ATP2B4: variants seen among roughly 807,000 people sequenced by gnomAD.
The protein encoded by ATP2B4 is ATPase plasma membrane Ca2+ transporting 4.
In ATP2B4, 39 loss-of-function variants were observed where a neutral mutation model predicts 110.3. That is an observed-to-expected ratio of 0.35 (90% confidence interval 0.27 to 0.46). The LOEUF is 0.46. Among genes scored for constraint, ATP2B4 ranks in the 20% least tolerant of loss-of-function variants. The pLI is 1.00. For synonymous variants in ATP2B4, 538 were observed against 571.7 expected (o/e 0.94, Z 0.84); for missense variants, 1,135 against 1,530.9 (o/e 0.74, Z 4.32).
intron 1 of ATP2B4, among the ~76,000 whole-genome samples, chr1:203,661,747 C>A (rs1248350595): frequency 2.6e-5 from 4 of 152,094 alleles, no homozygotes; most frequent in African/African-American, 9.7e-5. Flanking sequence ...CCCTTGAGTT[C>A]TTTGATGTTG....
chr1:203,684,208 G>T (rs942044169), intron 2 of ATP2B4, among the ~76,000 whole-genome samples: 1 of 152,208 alleles, frequency 6.6e-6, no homozygotes, highest in Non-Finnish European at 1.5e-5. Flanking sequence ...CTTCTCTATT[G>T]TATACTGTTA....
At chr1:203,665,530 G>A (rs1037397613) in intron 1 of ATP2B4, among the ~76,000 whole-genome samples, 3 of 152,138 alleles carry the variant, frequency 2.0e-5, no homozygotes, top group Non-Finnish European at 4.4e-5. Context: ...GGCCGGGCTC[G>A]GTGGCTCACG....
At chr1:203,673,031 C>A (rs568196514) in intron 1 of ATP2B4, among the ~76,000 whole-genome samples, 1 of 152,130 alleles carries the variant, frequency 6.6e-6, no homozygotes, top group African/African-American at 2.4e-5. Context: ...GAAGGACTAG[C>A]AGAGGGAGAG....
At chr1:203,641,864 A>G (rs1333265148) in intron 1 of ATP2B4, among the ~76,000 whole-genome samples, 1 of 152,210 alleles carries the variant, frequency 6.6e-6, no homozygotes, top group Non-Finnish European at 1.5e-5. Context: ...CGCCTTGCTC[A>G]TTGATATATC....
chr1:203,721,130 C>A, intron 16 of ATP2B4, 67 bp from the exon 17 acceptor site: 1 of 1,543,534 alleles, frequency 6.5e-7, no homozygotes, highest in South Asian at 1.2e-5. Context: ...GGAGCTGGGC[C>A]ATCGACAGGG....
intron 1 of ATP2B4, among the ~76,000 whole-genome samples, chr1:203,668,406 GT>G (rs1170469644): frequency 6.6e-6 from 1 of 151,900 alleles, no homozygotes; most frequent in Non-Finnish European, 1.5e-5. Context: ...GTTTTGTTTT[GT>G]TTTTTTCATT....
At chr1:203,727,353 C>A (rs1455610764) in intron 19 of ATP2B4, 42 bp from the exon 20 acceptor site, 4 of 1,605,074 alleles carry the variant, frequency 2.5e-6, no homozygotes, top group Non-Finnish European at 3.4e-6. Flanking sequence ...GCTCTTCTCA[C>A]GCTGATTCTG....
Position 203,714,177 on chromosome 1 carries a change from T to C in ATP2B4, c.2306T>C (p.Ile769Thr), listed in dbSNP as rs747385418. ...TDKHTLVKGIIDSTVGEHRQV... is the reference protein window; with the variant it reads ...TDKHTLVKGITDSTVGEHRQV... ...GTGTGTCTGTTTCTCCCAGGCATAA[T>C]TGACAGCACTGTTGGGGAACACCGG... is the stretch of plus-strand genomic sequence containing the variant. The change falls in exon 15 of 21, where the codon ATT (isoleucine) becomes ACT (threonine). Residue 769 changes from isoleucine (I) to threonine (T), a missense_variant. Physicochemically the swap from Ile to Thr is moderately conservative, Grantham distance 89. Coordinates refer to ENST00000357681, the MANE Select transcript of ATP2B4 (RefSeq NM_001684.5). 2 of 1,614,146 alleles carry C rather than the reference T, an allele frequency of 1.2e-6. No homozygotes were observed. Among genetic ancestry groups the C allele is most frequent in the Admixed American group, 1.7e-5 (1 of 60,016 alleles).
intron 20 of ATP2B4, chr1:203,729,637 G>A (rs1056298561): frequency 3.9e-6 from 4 of 1,015,112 alleles, no homozygotes; most frequent in Non-Finnish European, 5.7e-6. Flanking sequence ...CTGTCTGCCA[G>A]AGAAACATTC....
chr1:203,673,894 A>C (rs1664749265), intron 1 of ATP2B4, among the ~76,000 whole-genome samples: 1 of 152,044 alleles, frequency 6.6e-6, no homozygotes, highest in Non-Finnish European at 1.5e-5. Context: ...CAGGGAGATG[A>C]CCCCTCTCCA....
intron 2 of ATP2B4, among the ~76,000 whole-genome samples, chr1:203,687,480 T>A (rs1665232380): frequency 6.6e-6 from 1 of 152,162 alleles, no homozygotes; most frequent in South Asian, 2.1e-4. Flanking sequence ...GAGAATTTTG[T>A]CATTGTGGGA....
At chr1:203,721,528 T>C (rs1028102434) in intron 17 of ATP2B4, 118 bp downstream of exon 17, 2 of 962,368 alleles carry the variant, frequency 2.1e-6, no homozygotes, top group Non-Finnish European at 3.1e-6. Context: ...CACCTCCCAG[T>C]GCTTGCTGTG....
intron 1 of ATP2B4, among the ~76,000 whole-genome samples, chr1:203,665,664 G>T (rs936896917): frequency 2.0e-5 from 3 of 152,282 alleles, no homozygotes; most frequent in African/African-American, 7.2e-5. Context: ...GCCAGGCACA[G>T]TGGTGCGTGC....
At chr1:203,729,591 T>C (rs1477588702) in intron 20 of ATP2B4, 3 of 537,882 alleles carry the variant, frequency 5.6e-6, no homozygotes, top group Non-Finnish European at 1.1e-5. Context: ...GCAGACTCAC[T>C]ATGCACCTGA....
intron 1 of ATP2B4, among the ~76,000 whole-genome samples, chr1:203,636,616 G>A (rs1571664906): frequency 6.6e-6 from 1 of 152,162 alleles, no homozygotes; most frequent in Non-Finnish European, 1.5e-5. Flanking sequence ...GAAGAGCACG[G>A]GACTGGGAGT....
At chr1:203,738,429 G>C (rs16852250) in intron 20 of ATP2B4, among the ~76,000 whole-genome samples, 1,616 of 152,234 alleles carry the variant, frequency 0.011, 31 homozygotes, top group African/African-American at 0.029. Flanking sequence ...GTTTTTTCTT[G>C]ATGACTCTGA....
At chr1:203,631,978 G>A (rs1663282567) in intron 1 of ATP2B4, among the ~76,000 whole-genome samples, 1 of 151,996 alleles carries the variant, frequency 6.6e-6, no homozygotes, top group Admixed American at 6.6e-5. Context: ...TATTTTAATA[G>A]AGATGGGGTT....
chr1:203,688,773 AAG>A (rs751735417), intron 2 of ATP2B4, among the ~76,000 whole-genome samples: 39 of 152,286 alleles, frequency 2.6e-4, no homozygotes, highest in Middle Eastern at 6.8e-3. Context: ...ATGAGCCAAA[AAG>A]AGAAGAAAAT....
At chr1:203,736,360 C>A (rs976888378) in intron 20 of ATP2B4, among the ~76,000 whole-genome samples, 1 of 152,058 alleles carries the variant, frequency 6.6e-6, no homozygotes, top group African/African-American at 2.4e-5. Flanking sequence ...CCCAGCTACT[C>A]TAGAGGCTGA....
Sources: allele counts gnomAD v4.1 joint callset (sites outside exome capture counted in the v4.1 genomes callset), GRCh38; gene constraint gnomAD v4.1.1; transcripts MANE v1.5; gene names NCBI Gene and HGNC (gene_info 2026-07-23, HGNC 2026-07-21).